The following ANO10 variants were observed in gnomAD, a reference collection of about 807,000 sequenced individuals.
The protein encoded by ANO10 is anoctamin 10, also known as anoctamin-10.
A neutral mutation model predicts 74.7 loss-of-function variants in ANO10; 77 were observed. The observed-to-expected ratio is 1.03, with a 90% CI of 0.86 to 1.25. The LOEUF is 1.25. Among genes scored for constraint, ANO10 ranks in the 50% most tolerant of loss-of-function variants. ANO10 has a pLI of 0.00. For missense variants in ANO10, 721 were observed against 778.1 expected (o/e 0.93, Z 0.87); for synonymous variants, 279 against 284.9 (o/e 0.98, Z 0.21).
rs957076362 is a variant in ANO10 at position 43,529,926 on chromosome 3, C to G, written c.1797+19794G>C. ...ATAATATGATAAAGTTGAGACCAAACATATTCTGCATCTCAATTAATGCAA... is the reference window on the plus strand; with the variant it reads ...ATAATATGATAAAGTTGAGACCAAAGATATTCTGCATCTCAATTAATGCAA... On this transcript the variant is annotated intron_variant, in intron 11 of 12. Coordinates refer to ENST00000292246, the MANE Select transcript of ANO10 (RefSeq NM_018075.5). Among the ~76,000 whole-genome samples, 13 of 152,166 alleles carry G rather than the reference C, an allele frequency of 8.5e-5. No homozygotes were observed. In the East Asian group the frequency reaches 2.5e-3, roughly 29 times the overall value.
At chr3:43,483,865 A>C (rs552257739) in intron 11 of ANO10, among the ~76,000 whole-genome samples, 4 of 152,350 alleles carry the variant, frequency 2.6e-5, no homozygotes, top group African/African-American at 9.6e-5. Flanking sequence ...CAATTGGTTG[A>C]AAGAATTAAG....
At chr3:43,386,813 T>G (rs1259677626) in intron 12 of ANO10, among the ~76,000 whole-genome samples, 1 of 151,970 alleles carries the variant, frequency 6.6e-6, no homozygotes, top group Non-Finnish European at 1.5e-5. Context: ...GTGGTCCTGC[T>G]GAGGGAAAGG....
chr3:43,634,933 G>A (rs2083590357), intron 1 of ANO10, among the ~76,000 whole-genome samples: 1 of 152,138 alleles, frequency 6.6e-6, no homozygotes, highest in Non-Finnish European at 1.5e-5. Context: ...TTAGGCAGCA[G>A]GTGGGAAGTG....
intron 11 of ANO10, among the ~76,000 whole-genome samples, chr3:43,539,698 G>A (rs2078871670): frequency 6.6e-6 from 1 of 152,166 alleles, no homozygotes; most frequent in South Asian, 2.1e-4. Flanking sequence ...ATTTACATTT[G>A]AATATGGATA....
intron 7 of ANO10, among the ~76,000 whole-genome samples, chr3:43,570,840 T>C (rs530320869): frequency 1.2e-3 from 173 of 140,500 alleles, no homozygotes; most frequent in African/African-American, 4.6e-3. Context: ...AAATGGGATC[T>C]AATTAAACTA....
At chr3:43,474,411 C>T (rs1274441746) in intron 11 of ANO10, among the ~76,000 whole-genome samples, 1 of 152,108 alleles carries the variant, frequency 6.6e-6, no homozygotes, top group East Asian at 1.9e-4. Context: ...TTCTTGCTGG[C>T]AGCTAAGCTT....
intron 4 of ANO10, among the ~76,000 whole-genome samples, chr3:43,589,795 T>A (rs1235942972): frequency 1.3e-5 from 2 of 152,186 alleles, no homozygotes; most frequent in Non-Finnish European, 2.9e-5. Flanking sequence ...TATGAAGACA[T>A]CTATATGATG....
chr3:43,646,807 G>A (rs2083730928), intron 1 of ANO10, among the ~76,000 whole-genome samples: 1 of 152,106 alleles, frequency 6.6e-6, no homozygotes, highest in Non-Finnish European at 1.5e-5. Flanking sequence ...ACCACACCTG[G>A]CCTCTTCTTT....
At chr3:43,496,316 T>C (rs1384419129) in intron 11 of ANO10, among the ~76,000 whole-genome samples, 2 of 152,228 alleles carry the variant, frequency 1.3e-5, no homozygotes, top group Non-Finnish European at 2.9e-5. Context: ...TTTACCTGTA[T>C]ATATTGACAT....
At chr3:43,634,863 G>T (rs1311857351) in intron 1 of ANO10, among the ~76,000 whole-genome samples, 2 of 152,160 alleles carry the variant, frequency 1.3e-5, no homozygotes, top group African/African-American at 4.8e-5. Context: ...AGGATTGATG[G>T]CAGATGTGGT....
chr3:43,563,529 T>C (rs541504744), intron 8 of ANO10, among the ~76,000 whole-genome samples: 1 of 149,816 alleles, frequency 6.7e-6, no homozygotes, highest in South Asian at 2.1e-4. Context: ...GAAATGAGCA[T>C]ATCAAACGGA....
At chr3:43,582,269 G>A (rs955121317) in intron 4 of ANO10, among the ~76,000 whole-genome samples, 1 of 152,076 alleles carries the variant, frequency 6.6e-6, no homozygotes, top group South Asian at 2.1e-4. Context: ...GCCGAACACC[G>A]TGAAACCCCA....
In ANO10 at chr3:43,600,447, A is replaced by G; in HGVS notation, c.274T>C (p.Cys92Arg). The change falls in exon 3 of 13, where the codon TGC (cysteine) becomes CGC (arginine). Residue 92 changes from cysteine (C) to arginine (R), a missense_variant. By Grantham distance (180) the Cys-to-Arg change is radical. Transcript: ENST00000292246. ...GAEAVGLVKECNDNTMRAFTY... is the reference protein window; with the variant it reads ...GAEAVGLVKERNDNTMRAFTY... ...AAGGCTCTCATGGTGTTATCATTGC[A>G]CTCTTTTACCAATCCCACTGCTTCT... The G allele has an allele frequency of 6.2e-7, 1 of 1,614,002 alleles. No homozygotes were observed. The highest frequency in any genetic ancestry group is 1.1e-5 in the South Asian group (1 of 91,074).
chr3:43,534,194 A>AC (rs2149257114), intron 11 of ANO10, among the ~76,000 whole-genome samples: 1 of 152,340 alleles, frequency 6.6e-6, no homozygotes, highest in African/African-American at 2.4e-5. Flanking sequence ...GTAAGAGAAT[A>AC]CCTTTCTAGT....
intron 11 of ANO10, among the ~76,000 whole-genome samples, chr3:43,512,690 GA>G (rs920666482): frequency 2.0e-5 from 3 of 151,856 alleles, no homozygotes; most frequent in Admixed American, 2.0e-4. Flanking sequence ...TATAGAAATT[GA>G]AAAAAATGTT....
intron 1 of ANO10, among the ~76,000 whole-genome samples, chr3:43,683,010 A>C (rs551405938): frequency 1.5e-4 from 23 of 152,216 alleles, no homozygotes; most frequent in Non-Finnish European, 2.8e-4. Flanking sequence ...ATTCCCTTTG[A>C]AAACTGGCAC....
intron 11 of ANO10, among the ~76,000 whole-genome samples, chr3:43,479,773 C>G (rs1305690140): frequency 2.6e-5 from 4 of 152,132 alleles, no homozygotes; most frequent in African/African-American, 9.7e-5. Context: ...TGGAGAACCC[C>G]AGGAGATAGA....
In ANO10 at chr3:43,612,138, TTTTATATA is replaced by T. The variant is rs1269103737; in HGVS notation, c.-11-6283_-11-6276del. On this transcript the variant is annotated intron_variant, in intron 1 of 12. Transcript: ENST00000292246. ...GCAGTGGAATAAAGAAAATTAAATA[TTTTATATA>T]TATATATATATATATATATATATAT... Among the ~76,000 whole-genome samples, 243 of 89,200 alleles carry T rather than the reference TTTTATATA, an allele frequency of 2.7e-3. 3 individuals carry two copies. The highest frequency in any genetic ancestry group is 8.5e-3 in the African/African-American group (176 of 20,740). The allele number at this position is 89,200 out of a possible 152,430, so 58.5% of individuals were successfully genotyped here.
At chr3:43,683,828 G>C (rs1255560400) in intron 1 of ANO10, among the ~76,000 whole-genome samples, 1 of 152,142 alleles carries the variant, frequency 6.6e-6, no homozygotes, top group Non-Finnish European at 1.5e-5. Flanking sequence ...AAGAAATGGG[G>C]AAAGGATTCC....
Sources: allele counts gnomAD v4.1 joint callset (sites outside exome capture counted in the v4.1 genomes callset), GRCh38; gene constraint gnomAD v4.1.1; transcripts MANE v1.5; gene names NCBI Gene and HGNC (gene_info 2026-07-23, HGNC 2026-07-21).